Variants in RREB1 observed in about 807,000 individuals in gnomAD.
The protein encoded by RREB1 is ras-responsive element-binding protein 1.
RREB1 carries 27 observed loss-of-function variants against 117.8 expected under a neutral mutation model. The observed-to-expected ratio is 0.23, with a 90% CI of 0.17 to 0.32. The LOEUF (loss-of-function observed/expected upper bound fraction) is 0.32. RREB1 is among the 10% of genes least tolerant of loss of function. The pLI, the probability that RREB1 is intolerant of heterozygous loss-of-function variation, is 1.00. For missense variants in RREB1, 2,577 were observed against 2,378.2 expected (o/e 1.08, Z -1.74); for synonymous variants, 1,298 against 1,026.7 (o/e 1.26, Z -5.05).
At position 7,248,682 on chromosome 6, in the gene RREB1, G is replaced by A. The variant is rs955397973; in HGVS notation, c.4943G>A (p.Gly1648Asp). Residue 1648 changes from glycine (G) to aspartate (D), a missense_variant, in exon 13 of 13, where the codon GGC becomes GAC. Physicochemically the swap from Gly to Asp is moderately conservative, Grantham distance 94. Transcript: ENST00000379938. ...EDSENESTHS[G>D]NNAVSENEAE... ...AGCGAGAATGAGTCCACCCACAGCG[G>A]CAACAACGCCGTCTCAGAGAACGAG... is the stretch of plus-strand genomic sequence containing the variant. 6.2e-7 allele frequency: 1 copy of A among 1,614,102 alleles called. No homozygotes were observed. The highest frequency in any genetic ancestry group is 1.3e-5 in the African/African-American group (1 of 74,942).
rs61305060 is a variant in RREB1 at position 7,130,929 on chromosome 6, C to CTT, written c.-285+22895_-285+22896dup. Reference sequence around the variant, plus strand: ...TGCTCCTGACTGTTAATAGTCATGTCTTTTTTTTTTTTTTTTTTTTTTTTT... The same window carrying CTT: ...TGCTCCTGACTGTTAATAGTCATGTCTTTTTTTTTTTTTTTTTTTTTTTTTTT... On this transcript the variant is annotated intron_variant, in intron 1 of 12. Transcript: ENST00000379938. Among the ~76,000 whole-genome samples the CTT allele has an allele frequency of 2.5e-3, 115 of 45,760 alleles. 13 individuals carry two copies. Among genetic ancestry groups the CTT allele is most frequent in the African/African-American group, 3.6e-3 (33 of 9,184 alleles). 30.0% of individuals were successfully genotyped at this position (45,760 alleles called of 152,430 possible). A position where few individuals can be genotyped will look rare whatever the true frequency, so the allele number is the denominator to read the frequency against.
In RREB1 at chr6:7,190,376, G is replaced by A. The variant is rs763091628; in HGVS notation, c.425+1054G>A. ...CATCACTGGATAAGGCTGAGGATTCGGTGCTAATTAGTTTAGCACACAGTT... is the reference window on the plus strand; with the variant it reads ...CATCACTGGATAAGGCTGAGGATTCAGTGCTAATTAGTTTAGCACACAGTT... On this transcript the variant is annotated intron_variant, in intron 6 of 12. Transcript: ENST00000379938. Among the ~76,000 whole-genome samples the A allele has an allele frequency of 3.3e-5, 5 of 152,002 alleles. No homozygotes were observed. The East Asian group carries it at 5.8e-4, about 18-fold the overall frequency.
chr6:7,245,133 C>T (rs1472180499), intron 11 of RREB1, among the ~76,000 whole-genome samples: 1 of 152,176 alleles, frequency 6.6e-6, no homozygotes, highest in African/African-American at 2.4e-5. Context: ...CGGTGGCTCA[C>T]GCCTGTAATC....
In RREB1 at chr6:7,211,688, C is replaced by T; in HGVS notation, c.686C>T (p.Thr229Ile). 6.2e-7 allele frequency: 1 copy of T among 1,614,038 alleles called. No homozygotes were observed. ...TATGGACTGGAGACCCACATGGAGA[C>T]CCATTCAGATAACCCACTAAGGTAG... ...CKYGLETHME[T>I]HSDNPLRCDI... The change falls in exon 8 of 13, where the codon ACC becomes ATC. Residue 229 changes from threonine (T) to isoleucine (I), a missense_variant. Coordinates refer to ENST00000379938, the MANE Select transcript of RREB1 (RefSeq NM_001003699.4).
chr6:7,157,706 G>A (rs921490952), intron 1 of RREB1, among the ~76,000 whole-genome samples: 2 of 152,052 alleles, frequency 1.3e-5, no homozygotes, highest in African/African-American at 4.8e-5. Context: ...GGAAAGTCAG[G>A]GCTGCAGTGA....
At chr6:7,199,139 T>A (rs965668094) in intron 6 of RREB1, among the ~76,000 whole-genome samples, 3 of 152,234 alleles carry the variant, frequency 2.0e-5, no homozygotes, top group Non-Finnish European at 4.4e-5. Flanking sequence ...CGACATTTTC[T>A]TTGGTGCTTC....
intron 8 of RREB1, among the ~76,000 whole-genome samples, chr6:7,224,642 C>CGTAT (rs1767476937): frequency 6.6e-6 from 1 of 152,154 alleles, no homozygotes; most frequent in Non-Finnish European, 1.5e-5. Flanking sequence ...CCAGAAAGAA[C>CGTAT]CTCACCCAGA....
chr6:7,153,413 TACACACACAC>T (rs57110705), intron 1 of RREB1, among the ~76,000 whole-genome samples: 7 of 145,724 alleles, frequency 4.8e-5, no homozygotes, highest in African/African-American at 1.0e-4. Context: ...AGTAGTGGTA[TACACACACAC>T]ACACACACAC....
intron 1 of RREB1, among the ~76,000 whole-genome samples, chr6:7,114,474 G>C (rs986498011): frequency 3.9e-5 from 6 of 152,050 alleles, no homozygotes; most frequent in African/African-American, 9.7e-5. Context: ...CTGGTGGGGG[G>C]GGGGGCGGCA....
At chr6:7,179,984 T>G (rs1764708399) in intron 2 of RREB1, among the ~76,000 whole-genome samples, 1 of 152,104 alleles carries the variant, frequency 6.6e-6, no homozygotes, top group Admixed American at 6.6e-5. Flanking sequence ...TTAAAGGGTC[T>G]GCTAGCATGG....
chr6:7,169,578 T>C lies in RREB1; in HGVS notation c.-284-7077T>C, dbSNP rs539606626. 1.2e-4 allele frequency among the ~76,000 whole-genome samples: 19 copies of C among 152,322 alleles called. No homozygotes were observed. In the South Asian group the frequency reaches 3.5e-3, roughly 28 times the overall value. On this transcript the variant is annotated intron_variant, in intron 1 of 12. Transcript: ENST00000379938. ...GTCCCCTCCCAGGGGAGCCGGGTGC[T>C]GTGTGACAAATGGCTGCCATTTAGC...
intron 6 of RREB1, among the ~76,000 whole-genome samples, chr6:7,196,713 A>G (rs151122860): frequency 6.6e-6 from 1 of 152,212 alleles, no homozygotes; most frequent in African/African-American, 2.4e-5. Context: ...TTTATTACTT[A>G]TATTATTTTA....
At position 7,231,524 on chromosome 6, in the gene RREB1, C is replaced by T; in HGVS notation, c.3425C>T (p.Thr1142Ile). 1 of 1,608,558 alleles carries T rather than the reference C, an allele frequency of 6.2e-7. No homozygotes were observed. The highest frequency in any genetic ancestry group is 8.5e-7 in the Non-Finnish European group (1 of 1,177,552). ...PASSPEAASP[T>I]EQGPAGTSKK... is the part of the protein sequence containing the mutation. ...AGCAGCCCAGAGGCTGCCTCTCCCA[C>T]CGAGCAGGGCCCAGCGGGCACGTCG... is the stretch of plus-strand genomic sequence containing the variant. The change falls in exon 10 of 13, where the codon ACC (threonine) becomes ATC (isoleucine). Residue 1142 changes from threonine to isoleucine, a missense_variant. Transcript: ENST00000379938.
At chr6:7,234,421 T>TG (rs1768185974) in intron 10 of RREB1, among the ~76,000 whole-genome samples, 1 of 152,130 alleles carries the variant, frequency 6.6e-6, no homozygotes, top group South Asian at 2.1e-4. Context: ...TAGTATTTTC[T>TG]TTTTTAAGAG....
intron 6 of RREB1, among the ~76,000 whole-genome samples, chr6:7,201,514 TC>T (rs1561777824): frequency 9.0e-5 from 1 of 11,080 alleles, no homozygotes; most frequent in Admixed American, 8.8e-4. Flanking sequence ...CCAACCCCCA[TC>T]CCACCCTCCC....
chr6:7,149,995 G>GTTTT, intron 1 of RREB1, among the ~76,000 whole-genome samples: 1 of 140,316 alleles, frequency 7.1e-6, no homozygotes, highest in East Asian at 2.0e-4. Flanking sequence ...GGCCTGGTTG[G>GTTTT]TTTTTTTTTT....
chr6:7,160,878 G>A (rs902716070), intron 1 of RREB1, among the ~76,000 whole-genome samples: 1 of 152,076 alleles, frequency 6.6e-6, no homozygotes, highest in African/African-American at 2.4e-5. Context: ...TAGAGATGGA[G>A]TTTCACTTTG....
At position 7,250,156 on chromosome 6, in the gene RREB1, A is replaced by T. The variant is rs1769347609; in HGVS notation, c.*1188A>T. On this transcript the variant is annotated 3_prime_UTR_variant, in exon 13 of 13. Transcript: ENST00000379938. ...TGACTTTGGAGAAAGCAAAGCAGTG[A>T]CCCAGTGACCAGGCACATTACTCGT... 6.6e-6 allele frequency: 1 copy of T among 152,386 alleles called. No individual in the cohort carries two copies. The highest frequency in any genetic ancestry group is 2.1e-4 in the South Asian group (1 of 4,826). The allele number at this position is 152,386 out of a possible 1,614,324, so 9.4% of individuals were successfully genotyped here.
chr6:7,172,692 G>A (rs369723631), intron 1 of RREB1, among the ~76,000 whole-genome samples: 2 of 134,982 alleles, frequency 1.5e-5, no homozygotes, highest in Non-Finnish European at 3.3e-5. Context: ...TTGCCGGTGT[G>A]GGGGGGTGGG....
Sources: allele counts gnomAD v4.1 joint callset (sites outside exome capture counted in the v4.1 genomes callset), GRCh38; gene constraint gnomAD v4.1.1; transcripts MANE v1.5; gene names NCBI Gene and HGNC (gene_info 2026-07-23, HGNC 2026-07-21).